The following BMPR1B variants were observed in gnomAD, a reference collection of about 807,000 sequenced individuals.
The protein encoded by BMPR1B is bone morphogenetic protein receptor type-1B.
BMPR1B carries 12 observed loss-of-function variants against 59.1 expected under a neutral mutation model. The observed-to-expected ratio is 0.20, with a 90% CI of 0.13 to 0.33. BMPR1B has a LOEUF of 0.33. Ranked by LOEUF, BMPR1B falls within the 10% of genes least tolerant of loss-of-function variation. The pLI, the probability that BMPR1B is intolerant of heterozygous loss-of-function variation, is 1.00. For synonymous variants in BMPR1B, 237 were observed against 207.3 expected (o/e 1.14, Z -1.23); for missense variants, 550 against 610.9 (o/e 0.90, Z 1.05).
chr4:94,978,845 A>C (rs1025445635), intron 2 of BMPR1B, among the ~76,000 whole-genome samples: 1 of 152,028 alleles, frequency 6.6e-6, no homozygotes, highest in African/African-American at 2.4e-5. Flanking sequence ...TAATGAACTC[A>C]CGGTTCCACA....
chr4:95,132,504 T>A (rs1325762173), intron 10 of BMPR1B, among the ~76,000 whole-genome samples: 3 of 152,182 alleles, frequency 2.0e-5, no homozygotes, highest in Non-Finnish European at 4.4e-5. Context: ...GATGGGAAAT[T>A]GAAGTTCTTG....
chr4:94,866,313 C>A (rs1436145685), intron 1 of BMPR1B, among the ~76,000 whole-genome samples: 1 of 151,948 alleles, frequency 6.6e-6, no homozygotes, highest in African/African-American at 2.4e-5. Context: ...TGTCAACATC[C>A]ACTTGTATTT....
intron 3 of BMPR1B, among the ~76,000 whole-genome samples, chr4:95,099,564 T>A (rs1389139871): frequency 6.6e-6 from 1 of 152,234 alleles, no homozygotes; most frequent in African/African-American, 2.4e-5. Context: ...TATATGGTGA[T>A]GTGAATCCTT....
intron 6 of BMPR1B, among the ~76,000 whole-genome samples, chr4:95,122,750 T>C (rs779256335): frequency 2.4e-4 from 36 of 152,196 alleles, no homozygotes; most frequent in Admixed American, 6.5e-4. Context: ...AAAAGTTACA[T>C]TGAGTGGAAG....
At chr4:95,058,002 A>G (rs1579005297) in intron 3 of BMPR1B, among the ~76,000 whole-genome samples, 1 of 152,208 alleles carries the variant, frequency 6.6e-6, no homozygotes, top group East Asian at 1.9e-4. Flanking sequence ...AAAAGATGCT[A>G]TAGAAATTCG....
chr4:95,106,130 T>A (rs1340194009), intron 4 of BMPR1B, among the ~76,000 whole-genome samples: 1 of 151,858 alleles, frequency 6.6e-6, no homozygotes, highest in Non-Finnish European at 1.5e-5. Flanking sequence ...TTTTCTAGAG[T>A]ACAGGGAGTA....
intron 6 of BMPR1B, among the ~76,000 whole-genome samples, chr4:95,116,418 C>T (rs920406087): frequency 3.4e-5 from 4 of 119,286 alleles, no homozygotes; most frequent in Non-Finnish European, 6.7e-5. Flanking sequence ...GCTTTCAGCG[C>T]GCGCACACAC....
At chr4:95,120,669 C>CCTTCCTTCCTTCT (rs1732434016) in intron 6 of BMPR1B, among the ~76,000 whole-genome samples, 1 of 62,210 alleles carries the variant, frequency 1.6e-5, no homozygotes, top group Non-Finnish European at 3.6e-5. Flanking sequence ...CTTCCTTCTT[C>CCTTCCTTCCTTCT]TTTCTTTTCT....
intron 3 of BMPR1B, among the ~76,000 whole-genome samples, chr4:95,037,532 A>G (rs1725348007): frequency 6.6e-6 from 1 of 152,188 alleles, no homozygotes; most frequent in East Asian, 1.9e-4. Flanking sequence ...GCAGATGACT[A>G]GTACGTTGTA....
rs183156804 is a variant in BMPR1B at position 94,816,577 on chromosome 4, A to G, written c.-183+58509A>G. ...AATTAGTATTTCTGCATTATTGACCATTCTTCATTTTGCCATCATTTTTCA... is the reference window on the plus strand; with the variant it reads ...AATTAGTATTTCTGCATTATTGACCGTTCTTCATTTTGCCATCATTTTTCA... On this transcript the variant is annotated intron_variant, in intron 1 of 12. Transcript: ENST00000515059. 1.3e-3 allele frequency among the ~76,000 whole-genome samples: 205 copies of G among 152,324 alleles called. 3 individuals carry two copies. Among genetic ancestry groups the G allele is most frequent in the Admixed American group, 3.5e-3 (54 of 15,298 alleles).
chr4:95,146,695 C>G (rs1466875039), intron 10 of BMPR1B, among the ~76,000 whole-genome samples: 3 of 152,132 alleles, frequency 2.0e-5, no homozygotes, highest in African/African-American at 7.2e-5. Context: ...GACTTCTTAC[C>G]TGGGGTCACC....
chr4:94,951,402 T>C (rs11732948), intron 2 of BMPR1B, among the ~76,000 whole-genome samples: 73,501 of 151,894 alleles, frequency 0.48, 18,137 homozygotes, highest in South Asian at 0.6. Context: ...TGATATTGGC[T>C]GTGAGGTTGT....
intron 2 of BMPR1B, among the ~76,000 whole-genome samples, chr4:94,965,610 A>T (rs1384991869): frequency 6.6e-6 from 1 of 152,184 alleles, no homozygotes; most frequent in Non-Finnish European, 1.5e-5. Context: ...TAACACATTG[A>T]AAGAGATTGG....
At chr4:94,984,815 C>T (rs914484741) in intron 2 of BMPR1B, among the ~76,000 whole-genome samples, 7 of 152,128 alleles carry the variant, frequency 4.6e-5, no homozygotes, top group African/African-American at 1.7e-4. Context: ...TAGGAGGAAA[C>T]GCTACCAGTG....
At chr4:94,786,994 C>T (rs571504683) in intron 1 of BMPR1B, among the ~76,000 whole-genome samples, 1 of 152,200 alleles carries the variant, frequency 6.6e-6, no homozygotes, top group Admixed American at 6.5e-5. Context: ...TGGCCGTAAA[C>T]GTAACCACTT....
chr4:94,965,077 C>T (rs758718836), intron 2 of BMPR1B, among the ~76,000 whole-genome samples: 14 of 152,184 alleles, frequency 9.2e-5, no homozygotes, highest in East Asian at 7.7e-4. Context: ...ACTTGATGTG[C>T]GGAGCTTCCC....
chr4:95,130,102 C>T, intron 9 of BMPR1B, 48 bp downstream of exon 9: 1 of 1,588,198 alleles, frequency 6.3e-7, no homozygotes, highest in South Asian at 1.1e-5. Flanking sequence ...TAGCTTTCCT[C>T]TGTCTTTCTG....
chr4:94,910,087 T>C (rs1728217481), intron 2 of BMPR1B, among the ~76,000 whole-genome samples: 1 of 152,048 alleles, frequency 6.6e-6, no homozygotes, highest in Non-Finnish European at 1.5e-5. Flanking sequence ...ACATTCTAGA[T>C]ACGTAAAGTT....
chr4:95,002,725 T>C (rs1280266291), intron 3 of BMPR1B, among the ~76,000 whole-genome samples: 2 of 152,186 alleles, frequency 1.3e-5, no homozygotes, highest in African/African-American at 4.8e-5. Flanking sequence ...TAAAAAAGCC[T>C]GGTTATCCCT....
Sources: allele counts gnomAD v4.1 joint callset (sites outside exome capture counted in the v4.1 genomes callset), GRCh38; gene constraint gnomAD v4.1.1; transcripts MANE v1.5; gene names NCBI Gene and HGNC (gene_info 2026-07-23, HGNC 2026-07-21).